TOR1AIP1: variants seen among roughly 807,000 people sequenced by gnomAD.
TOR1AIP1 encodes torsin 1A interacting protein 1.
A neutral mutation model predicts 63.3 loss-of-function variants in TOR1AIP1; 54 were observed. The observed-to-expected ratio is 0.85, with a 90% CI of 0.69 to 1.07. TOR1AIP1 has a LOEUF of 1.07. Among genes scored for constraint, TOR1AIP1 ranks in the 50% least tolerant of loss-of-function variants. The pLI is 0.00. For synonymous variants in TOR1AIP1, 294 were observed against 273.5 expected, an observed-to-expected ratio of 1.07 and a Z score of -0.74; for missense variants, 736 against 715.0, an observed-to-expected ratio of 1.03 and a Z score of -0.33.
intron 3 of TOR1AIP1, among the ~76,000 whole-genome samples, chr1:179,899,370 A>G (rs1258905561): frequency 6.6e-6 from 1 of 152,140 alleles, no homozygotes. Context: ...TGCACTGGAA[A>G]ACAGTGACAT....
chr1:179,889,339 C>T lies in TOR1AIP1; in HGVS notation c.580C>T (p.Arg194Cys), dbSNP rs534816625. ...GAGTGAAGATCTTGTAATCAGGTTA[C>T]GTCGACCCCCTCTAAGATACCCAAG... ...PVSEDLVIRL[R>C]RPPLRYPRYE... Residue 194 changes from arginine (R) to cysteine (C), a missense_variant, in exon 3 of 10, where the codon CGT becomes TGT. Around this residue, in one of 2 missense-constraint regions of TOR1AIP1, gnomAD observed 464 missense variants for 371.0 expected, o/e 1.25. Coordinates refer to ENST00000606911, the MANE Select transcript of TOR1AIP1 (RefSeq NM_015602.4). 60 of 1,607,448 alleles carry T rather than the reference C, an allele frequency of 3.7e-5. No homozygotes were observed. In the African/African-American group the frequency reaches 5.2e-4, roughly 14 times the overall value.
intron 8 of TOR1AIP1, chr1:179,913,476 G>C: frequency 1.5e-6 from 1 of 670,782 alleles, no homozygotes; most frequent in African/African-American, 1.8e-5. Flanking sequence ...TACTGAATCA[G>C]TTTGAGGTAG....
chr1:179,887,417 A>G (rs1281570736), intron 2 of TOR1AIP1, among the ~76,000 whole-genome samples: 1 of 152,090 alleles, frequency 6.6e-6, no homozygotes, highest in Admixed American at 6.6e-5. Flanking sequence ...AAATACCTAA[A>G]CCAAAGGACC....
chr1:179,897,305 T>A (rs1026561968), intron 3 of TOR1AIP1, among the ~76,000 whole-genome samples: 1 of 152,148 alleles, frequency 6.6e-6, no homozygotes, highest in Admixed American at 6.5e-5. Context: ...AAAAAATAAT[T>A]ATTAAACCAT....
chr1:179,889,398 C>G, intron 3 of TOR1AIP1, 29 bp downstream of exon 3: 1 of 1,569,338 alleles, frequency 6.4e-7, no homozygotes. Flanking sequence ...GTTGGTTTAC[C>G]TTTGTTATAA....
At chr1:179,897,840 G>A (rs1327568791) in intron 3 of TOR1AIP1, among the ~76,000 whole-genome samples, 3 of 152,154 alleles carry the variant, frequency 2.0e-5, no homozygotes, top group South Asian at 2.1e-4. Flanking sequence ...GCTCATACCT[G>A]TAATGCCAGC....
In TOR1AIP1 at chr1:179,885,097, G is replaced by A. The variant is rs12084400; in HGVS notation, c.553+328G>A. ...CTCTCATGTCATAACTAGCTACTCAGTAAAATTTGTTCAATGTCAAATGAA... is the reference window on the plus strand; with the variant it reads ...CTCTCATGTCATAACTAGCTACTCAATAAAATTTGTTCAATGTCAAATGAA... On this transcript the variant is annotated intron_variant, in intron 2 of 9. Coordinates refer to ENST00000606911, the MANE Select transcript of TOR1AIP1 (RefSeq NM_015602.4). 4.0e-3 allele frequency among the ~76,000 whole-genome samples: 613 copies of A among 152,312 alleles called. 4 individuals are homozygous for A. The highest frequency in any genetic ancestry group is 0.014 in the African/African-American group (583 of 41,550).
intron 6 of TOR1AIP1, among the ~76,000 whole-genome samples, chr1:179,905,690 C>G (rs565694141): frequency 8.5e-5 from 13 of 152,248 alleles, no homozygotes; most frequent in African/African-American, 2.9e-4. Flanking sequence ...CGGTGGCTCA[C>G]ACCTGTAATC....
intron 1 of TOR1AIP1, among the ~76,000 whole-genome samples, chr1:179,884,232 A>G (rs1647836557): frequency 6.6e-6 from 1 of 152,164 alleles, no homozygotes. Flanking sequence ...ATTTTTCAGT[A>G]CCTGGAAGAA....
At chr1:179,901,867 G>A (rs1648476215) in intron 5 of TOR1AIP1, among the ~76,000 whole-genome samples, 1 of 151,922 alleles carries the variant, frequency 6.6e-6, no homozygotes, top group East Asian at 1.9e-4. Flanking sequence ...AAAAATACCA[G>A]TTTGAGGCTT....
At chr1:179,896,397 A>G (rs1318385732) in intron 3 of TOR1AIP1, among the ~76,000 whole-genome samples, 1 of 151,976 alleles carries the variant, frequency 6.6e-6, no homozygotes, top group East Asian at 1.9e-4. Flanking sequence ...GGCATGAGCC[A>G]CCATGCCCAG....
chr1:179,898,757 G>T (rs545827927), intron 3 of TOR1AIP1, among the ~76,000 whole-genome samples: 61 of 152,004 alleles, frequency 4.0e-4, no homozygotes, highest in African/African-American at 1.4e-3. Flanking sequence ...AATTTTTTTC[G>T]TTTGACTTTT....
intron 4 of TOR1AIP1, 27 bp from the exon 5 acceptor site, chr1:179,901,275 A>G (rs763082362): frequency 6.9e-7 from 1 of 1,449,930 alleles, no homozygotes; most frequent in Non-Finnish European, 9.6e-7. Flanking sequence ...AATAGACTAT[A>G]TTAGTATATT....
intron 6 of TOR1AIP1, among the ~76,000 whole-genome samples, chr1:179,905,621 G>A (rs964474460): frequency 2.0e-5 from 3 of 152,078 alleles, no homozygotes; most frequent in Non-Finnish European, 4.4e-5. Flanking sequence ...ACTCTTAAAT[G>A]TATCTACCCG....
chr1:179,905,102 C>T (rs1281059627), intron 6 of TOR1AIP1, among the ~76,000 whole-genome samples: 1 of 152,048 alleles, frequency 6.6e-6, no homozygotes, highest in Non-Finnish European at 1.5e-5. Context: ...GAAGGCCAGG[C>T]GTGGTGGCTC....
chr1:179,891,483 A>G (rs1648077434), intron 3 of TOR1AIP1, among the ~76,000 whole-genome samples: 1 of 151,966 alleles, frequency 6.6e-6, no homozygotes, highest in Non-Finnish European at 1.5e-5. Flanking sequence ...TTGGCCTCCC[A>G]AAGTGCTGGG....
chr1:179,903,391 C>T lies in TOR1AIP1; in HGVS notation c.740-575C>T, dbSNP rs547241739. Among the ~76,000 whole-genome samples the T allele has an allele frequency of 3.3e-5, 5 of 152,124 alleles. No homozygotes were observed. The South Asian group carries it at 6.2e-4, about 19-fold the overall frequency. On this transcript the variant is annotated intron_variant, in intron 5 of 9. Coordinates refer to ENST00000606911, the MANE Select transcript of TOR1AIP1 (RefSeq NM_015602.4). ...ACTGTTGTAAACTTTGAAAATTTTC[C>T]GCAACTCAAAGGTTTTATTATGTCA...
intron 6 of TOR1AIP1, among the ~76,000 whole-genome samples, chr1:179,905,076 T>G (rs1253758929): frequency 1.3e-5 from 2 of 152,224 alleles, no homozygotes; most frequent in Non-Finnish European, 2.9e-5. Context: ...TTTCTTTTCT[T>G]AAGAAAAAAC....
At chr1:179,907,913 C>CTT (rs34218138) in intron 7 of TOR1AIP1, 49 bp downstream of exon 7, 105,823 of 350,292 alleles carry the variant, frequency 0.3, 14,974 homozygotes, top group Admixed American at 0.43. Flanking sequence ...ATTCTTTTCT[C>CTT]TTTTTTTTTT....
Sources: gnomAD v4.1 joint callset for allele counts (sites outside exome capture counted in the v4.1 genomes callset) on GRCh38, gnomAD v4.1.1 for gene constraint, gnomAD v4.1.1 regional missense constraint, MANE v1.5 for transcripts, NCBI Gene and HGNC (gene_info 2026-07-23, HGNC 2026-07-21) for gene names.